The following KRIT1 variants were observed in gnomAD, a reference collection of about 807,000 sequenced individuals.
KRIT1 encodes KRIT1 ankyrin repeat containing.
A neutral mutation model predicts 95.8 loss-of-function variants in KRIT1; 45 were observed. The ratio of observed to expected loss-of-function variants is 0.47; its 90% CI spans 0.37 to 0.60. KRIT1 has a LOEUF of 0.60. Among genes scored for constraint, KRIT1 ranks in the 20% least tolerant of loss-of-function variants. The pLI is 0.00. For synonymous variants in KRIT1, 282 were observed against 278.8 expected (o/e 1.01, Z -0.11); for missense variants, 788 against 877.5 (o/e 0.90, Z 1.29).
intron 17 of KRIT1, among the ~76,000 whole-genome samples, chr7:92,212,658 C>T (rs1793106972): frequency 6.6e-6 from 1 of 152,174 alleles, no homozygotes; most frequent in Non-Finnish European, 1.5e-5. Context: ...TCTCAGACTT[C>T]CAGTTTCTAG....
At chr7:92,223,377 A>G (rs1264434816) in intron 12 of KRIT1, among the ~76,000 whole-genome samples, 3 of 147,010 alleles carry the variant, frequency 2.0e-5, no homozygotes, top group Non-Finnish European at 4.5e-5. Context: ...CCCCGGGAGG[A>G]GCTTGCAGTG....
At chr7:92,234,368 A>T in intron 10 of KRIT1, 81 bp downstream of exon 10, 1 of 1,101,362 alleles carries the variant, frequency 9.1e-7, no homozygotes. Flanking sequence ...TTGGAATGAG[A>T]ACAGTCTTGA....
In KRIT1 at chr7:92,234,611, T is replaced by C. The variant is rs1463554461; in HGVS notation, c.846-19A>G. The C allele has an allele frequency of 8.7e-6, 14 of 1,604,772 alleles. No homozygotes were observed. The highest frequency in any genetic ancestry group is 1.2e-5 in the Non-Finnish European group (14 of 1,171,706). On this transcript the variant is annotated intron_variant, in intron 9 of 18. Coordinates refer to ENST00000394505, the MANE Select transcript of KRIT1 (RefSeq NM_194454.3). ...TCGTTCCCTAATCATTAAAAAGAAA[T>C]TTTGAAAAATACAACAGGACTGTAA...
chr7:92,215,324 C>T (rs1379749469), intron 14 of KRIT1, among the ~76,000 whole-genome samples: 1 of 152,066 alleles, frequency 6.6e-6, no homozygotes, highest in Non-Finnish European at 1.5e-5. Context: ...TCATACAATA[C>T]AGTAGTGGAC....
At chr7:92,225,949 T>C (rs553822914) in intron 11 of KRIT1, 122 bp from the exon 12 acceptor site, 3 of 656,776 alleles carry the variant, frequency 4.6e-6, no homozygotes, top group Non-Finnish European at 8.2e-6. Flanking sequence ...CTAAAGTAAA[T>C]ATTAACCACA....
chr7:92,214,470 T>A (rs1369960608), intron 15 of KRIT1, 141 bp downstream of exon 15: 5 of 654,746 alleles, frequency 7.6e-6, no homozygotes, highest in African/African-American at 5.5e-5. Context: ...TAGTATAATA[T>A]TTTTTCTCAT....
At chr7:92,246,030 T>G, upstream of KRIT1, 1 of 265,490 alleles carries the variant, frequency 3.8e-6, no homozygotes, top group Non-Finnish European at 7.4e-6. Flanking sequence ...CTGCAGTCTC[T>G]CAGGGGCTGG....
At chr7:92,232,057 G>C (rs775461633) in intron 10 of KRIT1, among the ~76,000 whole-genome samples, 13 of 152,074 alleles carry the variant, frequency 8.5e-5, no homozygotes, top group Admixed American at 3.9e-4. Flanking sequence ...TCAGCCTCCC[G>C]AGCAGCTGGG....
chr7:92,234,832 C>T lies in KRIT1; in HGVS notation c.821G>A (p.Ser274Asn). 6.2e-7 allele frequency: 1 copy of T among 1,604,348 alleles called. No homozygotes were observed. The highest frequency in any genetic ancestry group is 8.5e-7 in the Non-Finnish European group (1 of 1,171,152). ...CTTGTCTTCTGTGACACTGCTCATG[C>T]TTCTCTGCCATTTTTCCTGTTTAGG... ...QIPKQEKWQRSMSSVTEDKER... is the reference protein window; with the variant it reads ...QIPKQEKWQRNMSSVTEDKER... Residue 274 changes from serine (S) to asparagine (N), a missense_variant, in exon 9 of 19, where the codon AGC becomes AAC. Physicochemically the swap from Ser to Asn is conservative, Grantham distance 46 (BLOSUM62 1). Transcript: ENST00000394505.
At position 92,199,976 on chromosome 7, in the gene KRIT1, G is replaced by C. The variant is rs935918201; in HGVS notation, c.*760C>G. 1 of 152,442 alleles carries C rather than the reference G, an allele frequency of 6.6e-6. No individual in the cohort carries two copies. Among genetic ancestry groups the C allele is most frequent in the African/African-American group, 2.4e-5 (1 of 41,412 alleles). 9.4% of individuals were successfully genotyped at this position (152,442 alleles called of 1,614,324 possible). A position where few individuals can be genotyped will look rare whatever the true frequency, so the allele number is the denominator to read the frequency against. On this transcript the variant is annotated 3_prime_UTR_variant, in exon 19 of 19. Transcript: ENST00000394505. ...AAAAAAATGTTGAGAAATGTTTATAGACTGCAGAAAACTGTTTTAAATAAC... is the reference window on the plus strand; with the variant it reads ...AAAAAAATGTTGAGAAATGTTTATACACTGCAGAAAACTGTTTTAAATAAC...
Position 92,237,662 on chromosome 7 carries a change from T to G in KRIT1, c.355+5A>C. 1 of 1,543,612 alleles carries G rather than the reference T, an allele frequency of 6.5e-7. No homozygotes were observed. Among genetic ancestry groups the G allele is most frequent in the Non-Finnish European group, 9.0e-7 (1 of 1,115,926 alleles). On this transcript the variant is annotated splice_donor_5th_base_variant and intron_variant, in intron 6 of 18. Coordinates refer to ENST00000394505, the MANE Select transcript of KRIT1 (RefSeq NM_194454.3). ...AAAGATTTGTAAGATACATTTAGAC[T>G]TTACCTTTGACAACTGATGGAACAA...
intron 15 of KRIT1, 129 bp from the exon 16 acceptor site, chr7:92,214,108 C>A (rs1307939183): frequency 3.0e-6 from 2 of 663,444 alleles, no homozygotes; most frequent in Non-Finnish European, 5.5e-6. Flanking sequence ...TGTAAAATAT[C>A]AGAGAACTCT....
chr7:92,222,728 A>G (rs1795380526), intron 13 of KRIT1, 94 bp downstream of exon 13: 1 of 761,564 alleles, frequency 1.3e-6, no homozygotes, highest in Non-Finnish European at 2.3e-6. Context: ...TTCAAAATTT[A>G]AGAGTCAAGA....
chr7:92,245,897 C>G lies in KRIT1; in HGVS notation c.-528G>C, dbSNP rs996519342. The G allele has an allele frequency of 2.4e-4, 57 of 234,348 alleles. No individual in the cohort carries two copies. The highest frequency in any genetic ancestry group is 4.0e-4 in the Non-Finnish European group (47 of 118,774). The allele number at this position is 234,348 out of a possible 1,614,324, so 14.5% of individuals were successfully genotyped here. A position where few individuals can be genotyped will look rare whatever the true frequency, so the allele number is the denominator to read the frequency against. On this transcript the variant is annotated 5_prime_UTR_variant, in exon 1 of 19. Transcript: ENST00000394505. ...CTTCAAAGGCCTTAGCTTTCCACCCCGCCGTTACCGTGGCTATGAAATCGC... is the reference window on the plus strand; with the variant it reads ...CTTCAAAGGCCTTAGCTTTCCACCCGGCCGTTACCGTGGCTATGAAATCGC...
At chr7:92,228,194 TGAAGA>T (rs573345243) in intron 10 of KRIT1, among the ~76,000 whole-genome samples, 92 of 152,252 alleles carry the variant, frequency 6.0e-4, no homozygotes, top group African/African-American at 2.1e-3. Context: ...GAAGAGATGT[TGAAGA>T]GAAGTAAAAT....
At chr7:92,221,843 A>G (rs377009351) in intron 14 of KRIT1, 59 bp downstream of exon 14, 26 of 1,457,028 alleles carry the variant, frequency 1.8e-5, no homozygotes, top group Middle Eastern at 1.7e-4. Flanking sequence ...AGTGCTTACA[A>G]TAGAAACTCA....
chr7:92,215,761 C>CTT (rs79274180), intron 14 of KRIT1, among the ~76,000 whole-genome samples: 5 of 141,070 alleles, frequency 3.5e-5, no homozygotes, highest in East Asian at 4.2e-4. Context: ...TGGCCTAGAT[C>CTT]TTTTTTTTTT....
chr7:92,234,889 A>T lies in KRIT1; in HGVS notation c.764T>A (p.Leu255Gln), dbSNP rs1282578798. The T allele has an allele frequency of 6.3e-7, 1 of 1,596,868 alleles. No individual in the cohort carries two copies. The highest frequency in any genetic ancestry group is 8.6e-7 in the Non-Finnish European group (1 of 1,164,318). ...GATTTTTGAGTAGTCTGGAGCTCCT[A>T]GACCAAAGTATGGATTTATTACCAC... The part of the protein sequence containing the change: ...DKVVINPYFG[L>Q]GAPDYSKIQI... Residue 255 changes from leucine to glutamine, a missense_variant, in exon 9 of 19, where the codon CTA (leucine) becomes CAA (glutamine). Transcript: ENST00000394505.
chr7:92,229,915 G>T lies in KRIT1; in HGVS notation c.990-3233C>A, dbSNP rs1342012309. ...ACTTAGGGGAAGGCAAAGGCTTAGA[G>T]TATCTATTTGAGAATATGTAAAATC... On this transcript the variant is annotated intron_variant, in intron 10 of 18. Coordinates refer to ENST00000394505, the MANE Select transcript of KRIT1 (RefSeq NM_194454.3). Among the ~76,000 whole-genome samples, 4 of 152,232 alleles carry T rather than the reference G, an allele frequency of 2.6e-5. No homozygotes were observed. In the East Asian group the frequency reaches 7.7e-4, roughly 29 times the overall value.
Sources: allele counts gnomAD v4.1 joint callset (sites outside exome capture counted in the v4.1 genomes callset), GRCh38; gene constraint gnomAD v4.1.1; transcripts MANE v1.5; gene names NCBI Gene and HGNC (gene_info 2026-07-23, HGNC 2026-07-21).